Variants in HEPH observed in about 807,000 individuals in gnomAD.
HEPH encodes the protein hephaestin.
Under a neutral mutation model 80.8 loss-of-function variants are expected in HEPH, and 69 were observed. The ratio of observed to expected loss-of-function variants is 0.85; its 90% CI spans 0.70 to 1.04. The LOEUF is 1.04. HEPH is among the 50% of genes least tolerant of loss of function. HEPH has a pLI of 0.00. For synonymous variants in HEPH, 431 were observed against 322.8 expected, an observed-to-expected ratio of 1.34 and a Z score of -3.60; for missense variants, 1,115 against 891.3, an observed-to-expected ratio of 1.25 and a Z score of -3.20.
intron 12 of HEPH, among the ~76,000 whole-genome samples, chrX:66,203,075 G>A (rs953308177): frequency 9.2e-6 from 1 of 109,166 alleles, no homozygotes; most frequent in Non-Finnish European, 1.9e-5. Flanking sequence ...GGGACTTACA[G>A]TGCTAAAACT....
chrX:66,248,279 T>C (rs1319604439), intron 15 of HEPH, among the ~76,000 whole-genome samples: 1 of 112,019 alleles, frequency 8.9e-6, no homozygotes, highest in African/African-American at 3.2e-5. Flanking sequence ...AATAAACCAT[T>C]TTTAAGTTTT....
At chrX:66,260,047 G>A (rs1186141438) in intron 18 of HEPH, 53 bp from the exon 19 acceptor site, 1 of 1,129,226 alleles carries the variant, frequency 8.9e-7, no homozygotes, top group African/African-American at 1.8e-5. Context: ...AAAGCTCTAA[G>A]ATGATTTTTA....
At chrX:66,206,665 C>T (rs1192148800) in intron 13 of HEPH, among the ~76,000 whole-genome samples, 1 of 109,752 alleles carries the variant, frequency 9.1e-6, no homozygotes, top group Admixed American at 9.8e-5. Flanking sequence ...CTGTGTATGG[C>T]ATACCTGCCA....
intron 15 of HEPH, among the ~76,000 whole-genome samples, chrX:66,220,925 G>A (rs973416432): frequency 6.3e-5 from 7 of 110,661 alleles, no homozygotes; most frequent in Admixed American, 9.6e-5. Context: ...TAGATTCCCG[G>A]TACACTTATA....
At chrX:66,212,791 A>T (rs1178362871) in intron 15 of HEPH, among the ~76,000 whole-genome samples, 1 of 110,678 alleles carries the variant, frequency 9.0e-6, no homozygotes, top group Non-Finnish European at 1.9e-5. Context: ...TTTATGGCTC[A>T]GGACTGCTTT....
At chrX:66,186,195 GGC>G (rs2087419433) in intron 4 of HEPH, among the ~76,000 whole-genome samples, 3 of 97,983 alleles carry the variant, frequency 3.1e-5, no homozygotes, top group Non-Finnish European at 6.1e-5. Context: ...AGCCTACAGA[GGC>G]AGGCAGGCCT....
At chrX:66,202,403 G>A (rs908428146) in intron 12 of HEPH, among the ~76,000 whole-genome samples, 2 of 111,732 alleles carry the variant, frequency 1.8e-5, no homozygotes, top group East Asian at 2.8e-4. Context: ...TAAGCACTGA[G>A]CAGCAAAGTA....
At chrX:66,192,726 C>A in intron 7 of HEPH, among the ~76,000 whole-genome samples, 1 of 111,883 alleles carries the variant, frequency 8.9e-6, no homozygotes, top group Admixed American at 9.5e-5. Context: ...GTATAAAAAG[C>A]ACTCTGAGAA....
At chrX:66,202,555 A>G (rs1182316542) in intron 12 of HEPH, among the ~76,000 whole-genome samples, 1 of 111,608 alleles carries the variant, frequency 9.0e-6, no homozygotes, top group African/African-American at 3.3e-5. Context: ...TGTTACCTGC[A>G]CATTCCATTG....
intron 15 of HEPH, among the ~76,000 whole-genome samples, chrX:66,247,765 A>G (rs1201739950): frequency 9.0e-6 from 1 of 111,561 alleles, no homozygotes; most frequent in Admixed American, 9.6e-5. Context: ...GAAAAATGGG[A>G]TATTGTAGTT....
chrX:66,208,223 T>A lies in HEPH; in HGVS notation c.2540T>A (p.Val847Asp). The change falls in exon 15 of 21, where the codon GTC becomes GAC. Residue 847 changes from valine (V) to aspartate (D), a missense_variant. By Grantham distance (152) the Val-to-Asp change is radical. Coordinates refer to ENST00000343002, the MANE Select transcript of HEPH (RefSeq NM_001367233.3). The part of the protein sequence containing the change: ...HAHGVLESTT[V>D]WPLAAEPGEV... ...CATGGAGTGCTAGAATCTACTACTGTCTGGCCACTGGCTGCTGAGCCTGGT... is the reference window on the plus strand; with the variant it reads ...CATGGAGTGCTAGAATCTACTACTGACTGGCCACTGGCTGCTGAGCCTGGT... 1 of 1,208,512 alleles carries A rather than the reference T, an allele frequency of 8.3e-7. No homozygotes were observed. The highest frequency in any genetic ancestry group is 1.1e-6 in the Non-Finnish European group (1 of 893,781).
chrX:66,198,504 C>A (rs2088238146), intron 10 of HEPH, among the ~76,000 whole-genome samples: 1 of 111,509 alleles, frequency 9.0e-6, no homozygotes, highest in African/African-American at 3.3e-5. Context: ...TATTACTTAT[C>A]TTTTATTTTC....
In HEPH at chrX:66,255,125, C is replaced by A; in HGVS notation, c.2654C>A (p.Ala885Glu). The A allele has an allele frequency of 1.7e-6, 2 of 1,195,147 alleles. No individual in the cohort carries two copies. Among genetic ancestry groups the A allele is most frequent in the Non-Finnish European group, 2.3e-6 (2 of 882,500 alleles). ...TGTGTTTCCTGGATCTATTATTCTG[C>A]AGTGGATCCCATCAAGGTAAATACA... is the stretch of plus-strand genomic sequence containing the variant. ...SACVSWIYYS[A>E]VDPIKDMYSG... The change falls in exon 16 of 21, where the codon GCA becomes GAA. Residue 885 changes from alanine to glutamate, a missense_variant. By Grantham distance (107) the Ala-to-Glu change is moderately radical. This residue lies in a region of HEPH where 716 missense variants were observed against 523.5 expected (regional missense o/e 1.37). Coordinates refer to ENST00000343002, the MANE Select transcript of HEPH (RefSeq NM_001367233.3).
In HEPH at chrX:66,164,294, C is replaced by G. The variant is rs1185286939; in HGVS notation, c.-190C>G. The G allele has an allele frequency of 8.0e-6, 6 of 750,240 alleles. No individual in the cohort carries two copies. The highest frequency in any genetic ancestry group is 7.8e-6 in the Non-Finnish European group (5 of 637,329). The allele number at this position is 750,240 out of a possible 1,213,427, so 61.8% of individuals were successfully genotyped here. ...AAAAGAGGGCACCCAGCCCTTCCCCCTCCCTCATCCTCCCATCCCAGTAAA... is the reference window on the plus strand; with the variant it reads ...AAAAGAGGGCACCCAGCCCTTCCCCGTCCCTCATCCTCCCATCCCAGTAAA... On this transcript the variant is annotated 5_prime_UTR_variant, in exon 1 of 21. Transcript: ENST00000343002.
chrX:66,211,004 G>A (rs2089083971), intron 15 of HEPH, among the ~76,000 whole-genome samples: 1 of 111,495 alleles, frequency 9.0e-6, no homozygotes, highest in Non-Finnish European at 1.9e-5. Flanking sequence ...TGTACGGATA[G>A]AAGATTATCA....
intron 15 of HEPH, among the ~76,000 whole-genome samples, chrX:66,231,990 G>A (rs1204253952): frequency 9.1e-6 from 1 of 110,127 alleles, no homozygotes; most frequent in African/African-American, 3.3e-5. Flanking sequence ...AGCATGAAGG[G>A]TTGTTGAATT....
intron 8 of HEPH, among the ~76,000 whole-genome samples, chrX:66,194,535 G>A (rs1159733040): frequency 8.9e-6 from 1 of 112,126 alleles, no homozygotes; most frequent in East Asian, 2.8e-4. Flanking sequence ...CATGTGGTGG[G>A]TAATGAAGTT....
intron 11 of HEPH, 125 bp downstream of exon 11, chrX:66,199,153 A>G: frequency 1.5e-6 from 1 of 653,517 alleles, no homozygotes; most frequent in Non-Finnish European, 2.4e-6. Context: ...GAGGCGAGCT[A>G]GATTGAGAGG....
In HEPH at chrX:66,179,170, C is replaced by A. The variant is rs776336163; in HGVS notation, c.625+5369C>A. On this transcript the variant is annotated intron_variant, in intron 4 of 20. Coordinates refer to ENST00000343002, the MANE Select transcript of HEPH (RefSeq NM_001367233.3). ...GTTTCAGCTTTCTACATATGGCTAG[C>A]CAGTTTTCCCAGCACCATTTATTAA... 6.2e-5 allele frequency among the ~76,000 whole-genome samples: 7 copies of A among 112,145 alleles called. No homozygotes were observed. The South Asian group carries it at 2.2e-3, about 35-fold the overall frequency.
Sources: allele counts gnomAD v4.1 joint callset (sites outside exome capture counted in the v4.1 genomes callset), GRCh38; gene constraint gnomAD v4.1.1; regional missense constraint gnomAD v4.1.1; transcripts MANE v1.5; gene names NCBI Gene and HGNC (gene_info 2026-07-23, HGNC 2026-07-21).